ARHGEF16: variants seen among roughly 807,000 people sequenced by gnomAD.
The protein encoded by ARHGEF16 is Rho guanine exchange factor (GEF) 16.
A neutral mutation model predicts 74.1 loss-of-function variants in ARHGEF16; 59 were observed. The observed-to-expected ratio is 0.80, with a 90% CI of 0.65 to 0.99. ARHGEF16 has a LOEUF of 0.99. ARHGEF16 is among the 50% of genes least tolerant of loss of function. The pLI is 0.00. For synonymous variants in ARHGEF16, 415 were observed against 412.6 expected, an observed-to-expected ratio of 1.01 and a Z score of -0.07; for missense variants, 948 against 986.6, an observed-to-expected ratio of 0.96 and a Z score of 0.52.
intron 1 of ARHGEF16, among the ~76,000 whole-genome samples, chr1:3,459,456 C>T (rs1482444366): frequency 2.0e-5 from 3 of 152,182 alleles, no homozygotes; most frequent in Admixed American, 6.5e-5. Flanking sequence ...TTCAGGCAGT[C>T]CAAAAGATGG....
chr1:3,474,628 A>C lies in ARHGEF16; in HGVS notation c.1306-80A>C. On this transcript the variant is annotated intron_variant, in intron 8 of 14. Transcript: ENST00000378378. The stretch of plus-strand genomic sequence containing the variant: ...GCTGTTGACCACCCTGCAGCCCCAC[A>C]CGGGGTCTGGCGTTGGTGGGAGCCT... 2.9e-6 allele frequency: 4 copies of C among 1,383,700 alleles called. No homozygotes were observed. In the East Asian group the frequency reaches 9.1e-5, roughly 32 times the overall value. 85.7% of individuals were successfully genotyped at this position (1,383,700 alleles called of 1,614,324 possible).
At chr1:3,471,444 G>GAGCC (rs933890034) in intron 6 of ARHGEF16, among the ~76,000 whole-genome samples, 1 of 152,126 alleles carries the variant, frequency 6.6e-6, no homozygotes, top group African/African-American at 2.4e-5. Flanking sequence ...GGTGGGCAGG[G>GAGCC]AGCCGCCTTG....
chr1:3,471,800 C>G, intron 6 of ARHGEF16: 2 of 1,090,602 alleles, frequency 1.8e-6, no homozygotes, highest in Non-Finnish European at 2.3e-6. Flanking sequence ...GGGTAAGCGG[C>G]TGGTGGGCGG....
rs776087317 is a variant in ARHGEF16, at chr1:3,477,914, C to A, written c.1513C>A (p.Arg505Ser). ...CTCTGCCTCCCGGTGGCTGCTGAAG[C>A]GCGGAGAGCTGTTCTTAGTGGAAGA... ...LISASRWLLK[R>S]GELFLVEETG... The change falls in exon 11 of 15, where the codon CGC becomes AGC. Residue 505 changes from arginine (R) to serine (S), a missense_variant. Physicochemically the swap from Arg to Ser is moderately radical, Grantham distance 110. Transcript: ENST00000378378. 6.2e-7 allele frequency: 1 copy of A among 1,612,544 alleles called. No individual in the cohort carries two copies. The highest frequency in any genetic ancestry group is 8.5e-7 in the Non-Finnish European group (1 of 1,179,908).
intron 4 of ARHGEF16, 91 bp from the exon 5 acceptor site, chr1:3,468,789 C>T: frequency 6.9e-7 from 1 of 1,452,774 alleles, no homozygotes; most frequent in Non-Finnish European, 9.4e-7. Flanking sequence ...TCCATGTTGG[C>T]CCTGGTCCAT....
At position 3,456,753 on chromosome 1, in the gene ARHGEF16, G is replaced by T. The variant is rs576797027; in HGVS notation, c.-20+1942G>T. Among the ~76,000 whole-genome samples the T allele has an allele frequency of 9.2e-5, 14 of 152,370 alleles. 1 individual carries two copies. In the East Asian group the frequency reaches 1.7e-3, roughly 19 times the overall value. On this transcript the variant is annotated intron_variant, in intron 1 of 14. Transcript: ENST00000378378. ...CCACACGGGCACCTGTCAGAGGCAG[G>T]CTCTGATTCCCACCCTTTGGGGGAA...
At chr1:3,474,660 C>T (rs1183519493) in intron 8 of ARHGEF16, 48 bp from the exon 9 acceptor site, 2 of 1,574,606 alleles carry the variant, frequency 1.3e-6, no homozygotes, top group Non-Finnish European at 8.7e-7. Flanking sequence ...GCCTCCACAC[C>T]TGGGATGCCA....
intron 6 of ARHGEF16, among the ~76,000 whole-genome samples, chr1:3,470,529 G>A (rs1639679914): frequency 6.6e-6 from 1 of 151,684 alleles, no homozygotes; most frequent in South Asian, 2.1e-4. Context: ...GCGTGGGCAG[G>A]GGTGTGTATG....
chr1:3,472,933 G>A (rs1639771970), intron 6 of ARHGEF16, 145 bp from the exon 7 acceptor site: 1 of 559,188 alleles, frequency 1.8e-6, no homozygotes, highest in Non-Finnish European at 2.6e-6. Context: ...CCAAGTGCTT[G>A]CTGTGTGCTG....
At chr1:3,466,998 G>A (rs1639564865) in intron 3 of ARHGEF16, 170 bp from the exon 4 acceptor site, 2 of 651,060 alleles carry the variant, frequency 3.1e-6, no homozygotes, top group African/African-American at 1.8e-5. Context: ...TTGTGGCATA[G>A]GAGAGGTCTT....
At chr1:3,456,046 T>A (rs1639258080) in intron 1 of ARHGEF16, among the ~76,000 whole-genome samples, 1 of 152,116 alleles carries the variant, frequency 6.6e-6, no homozygotes, top group South Asian at 2.1e-4. Context: ...CTTGGGGGCT[T>A]CCTGGAAGAA....
At chr1:3,466,772 G>A (rs1170446832) in intron 3 of ARHGEF16, among the ~76,000 whole-genome samples, 1 of 152,210 alleles carries the variant, frequency 6.6e-6, no homozygotes, top group East Asian at 1.9e-4. Flanking sequence ...CTCCAGGCCT[G>A]AGGCTCCAAG....
intron 3 of ARHGEF16, chr1:3,466,848 A>T: frequency 3.8e-6 from 1 of 265,452 alleles, no homozygotes; most frequent in Non-Finnish European, 7.1e-6. Context: ...GGGGGTACCC[A>T]GGTCTCCTCT....
intron 5 of ARHGEF16, 96 bp from the exon 6 acceptor site, chr1:3,469,337 G>A: frequency 6.9e-7 from 1 of 1,453,074 alleles, no homozygotes; most frequent in Non-Finnish European, 9.4e-7. Context: ...ACCTGCCCCT[G>A]CCACCCGGGT....
intron 5 of ARHGEF16, 147 bp downstream of exon 5, chr1:3,469,083 C>A: frequency 1.9e-6 from 2 of 1,057,654 alleles, no homozygotes; most frequent in Non-Finnish European, 2.8e-6. Context: ...CAGCGCCTCA[C>A]ACAGCCCCGG....
At chr1:3,472,141 G>C (rs1189549559) in intron 6 of ARHGEF16, among the ~76,000 whole-genome samples, 2 of 152,240 alleles carry the variant, frequency 1.3e-5, no homozygotes, top group South Asian at 2.1e-4. Flanking sequence ...GGGCTGGGAG[G>C]ACCTCCTGTG....
rs1640044382 is a variant in ARHGEF16, at chr1:3,481,002, G to C, written c.*415G>C. 3 of 175,478 alleles carry C rather than the reference G, an allele frequency of 1.7e-5. No individual in the cohort carries two copies. The highest frequency in any genetic ancestry group is 7.1e-5 in the African/African-American group (3 of 42,314). 10.9% of individuals were successfully genotyped at this position (175,478 alleles called of 1,614,324 possible). A position where few individuals can be genotyped will look rare whatever the true frequency, so the allele number is the denominator to read the frequency against. ...CCCTGAGTGGGACAAGAAGGGCCCT[G>C]AGTGCCCAGGAGTGCCCCACGTTCT... On this transcript the variant is annotated 3_prime_UTR_variant, in exon 15 of 15. Coordinates refer to ENST00000378378, the MANE Select transcript of ARHGEF16 (RefSeq NM_014448.4).
intron 1 of ARHGEF16, among the ~76,000 whole-genome samples, chr1:3,462,162 G>A (rs575695852): frequency 6.6e-6 from 1 of 152,210 alleles, no homozygotes; most frequent in East Asian, 1.9e-4. Context: ...GGCAGCTCCC[G>A]CTCTCTGCTG....
In ARHGEF16 at chr1:3,462,967, G is replaced by A. The variant is rs186097861; in HGVS notation, c.-19-99G>A. The A allele has an allele frequency of 2.1e-3, 1,771 of 833,610 alleles. 26 individuals carry two copies. The African/African-American group carries it at 0.028, about 13-fold the overall frequency. 51.6% of individuals were successfully genotyped at this position (833,610 alleles called of 1,614,324 possible). On this transcript the variant is annotated intron_variant, in intron 1 of 14. Transcript: ENST00000378378. Reference sequence around the variant, plus strand: ...CCTGCTGTGTCCTGGGAGCTGTACTGGAGCCCCGGCCAGACATATGCAAAG... The same window carrying A: ...CCTGCTGTGTCCTGGGAGCTGTACTAGAGCCCCGGCCAGACATATGCAAAG...
Sources: allele counts gnomAD v4.1 joint callset (sites outside exome capture counted in the v4.1 genomes callset), GRCh38; gene constraint gnomAD v4.1.1; transcripts MANE v1.5; gene names NCBI Gene and HGNC (gene_info 2026-07-23, HGNC 2026-07-21).